Variants in HORMAD1 observed in about 807,000 individuals in gnomAD.
The protein encoded by HORMAD1 is HORMA domain containing 1.
A neutral mutation model predicts 58.2 loss-of-function variants in HORMAD1; 33 were observed. That is an observed-to-expected ratio of 0.57 (90% CI 0.43 to 0.76). The LOEUF (loss-of-function observed/expected upper bound fraction) is 0.76, where lower values mean the gene tolerates loss of function less well. Among genes scored for constraint, HORMAD1 ranks in the 30% least tolerant of loss-of-function variants. The probability of loss-of-function intolerance (pLI) is 0.00; values close to 1 mark genes in which losing one functional copy is unlikely to be tolerated. For missense variants in HORMAD1, 363 were observed against 462.0 expected, an observed-to-expected ratio of 0.79 and a Z score of 1.96; for synonymous variants, 137 against 144.6, an observed-to-expected ratio of 0.95 and a Z score of 0.38.
chr1:150,701,264 C>T (rs1466310573), intron 13 of HORMAD1, among the ~76,000 whole-genome samples: 1 of 152,090 alleles, frequency 6.6e-6, no homozygotes, highest in Non-Finnish European at 1.5e-5. Context: ...GGTTATTCAT[C>T]CTACATATAA....
At chr1:150,719,904 T>C (rs1365680935) in intron 1 of HORMAD1, among the ~76,000 whole-genome samples, 1 of 151,982 alleles carries the variant, frequency 6.6e-6, no homozygotes. Flanking sequence ...ACTTTTTCAG[T>C]TTTATTTGTT....
chr1:150,719,509 C>A lies in HORMAD1; in HGVS notation c.-4G>T, dbSNP rs778862220. Reference sequence around the variant, plus strand: ...TCTGCAACTGGGCAGTGGCCATCTTCTTCTGATAAAGTATTTTCTTTAATT... The same window carrying A: ...TCTGCAACTGGGCAGTGGCCATCTTATTCTGATAAAGTATTTTCTTTAATT... On this transcript the variant is annotated 5_prime_UTR_variant, in exon 2 of 15. Coordinates refer to ENST00000361824, the MANE Select transcript of HORMAD1 (RefSeq NM_032132.5). The A allele has an allele frequency of 2.5e-6, 4 of 1,582,048 alleles. No individual in the cohort carries two copies. Among genetic ancestry groups the A allele is most frequent in the Non-Finnish European group, 2.6e-6 (3 of 1,163,726 alleles).
intron 5 of HORMAD1, among the ~76,000 whole-genome samples, chr1:150,712,425 C>T (rs1651931221): frequency 6.6e-6 from 1 of 152,180 alleles, no homozygotes; most frequent in African/African-American, 2.4e-5. Context: ...CCTCTCTCTG[C>T]TATCCTGGTC....
At chr1:150,709,295 A>G (rs1013172444) in intron 7 of HORMAD1, among the ~76,000 whole-genome samples, 1 of 152,224 alleles carries the variant, frequency 6.6e-6, no homozygotes, top group Non-Finnish European at 1.5e-5. Context: ...TGCTTTGCTG[A>G]GATGTTGTTA....
At chr1:150,699,673 C>T (rs922057054) in intron 14 of HORMAD1, among the ~76,000 whole-genome samples, 5 of 150,324 alleles carry the variant, frequency 3.3e-5, no homozygotes, top group East Asian at 1.9e-4. Flanking sequence ...TACAGGCGTG[C>T]GCCACCACGC....
chr1:150,702,660 C>T (rs1208022641), intron 13 of HORMAD1, among the ~76,000 whole-genome samples: 2 of 152,100 alleles, frequency 1.3e-5, no homozygotes, highest in African/African-American at 2.4e-5. Flanking sequence ...AACCAAACAC[C>T]ACATGTTCTC....
At chr1:150,715,479 A>G (rs1652040156) in intron 3 of HORMAD1, among the ~76,000 whole-genome samples, 1 of 152,228 alleles carries the variant, frequency 6.6e-6, no homozygotes, top group African/African-American at 2.4e-5. Flanking sequence ...GATATCGTAT[A>G]TAACATAGTG....
At position 150,704,290 on chromosome 1, in the gene HORMAD1, A is replaced by C. The variant is rs780463861; in HGVS notation, c.858T>G (p.Ser286=). Reference sequence around the variant, plus strand: ...TTAACTTCTTACCTTCAAGTTCAGAAGATGCAGGGTTTTTTTCCTGTTCTT... The same window carrying C: ...TTAACTTCTTACCTTCAAGTTCAGACGATGCAGGGTTTTTTTCCTGTTCTT... ...KMEEQEKNPA[S]SELEEPSLVC... is the part of the protein sequence containing the mutation. Residue 286 remains serine, a synonymous_variant, in exon 11 of 15, where the codon TCT becomes TCG. Transcript: ENST00000361824. The C allele has an allele frequency of 7.5e-6, 12 of 1,596,330 alleles. No homozygotes were observed. Among genetic ancestry groups the C allele is most frequent in the Non-Finnish European group, 1.0e-5 (12 of 1,172,692 alleles).
chr1:150,717,059 G>T, intron 3 of HORMAD1, 79 bp downstream of exon 3: 1 of 866,084 alleles, frequency 1.2e-6, no homozygotes, highest in African/African-American at 1.8e-5. Flanking sequence ...AAATTTCTAA[G>T]TCAAAAATTA....
At chr1:150,716,322 C>G (rs924595138) in intron 3 of HORMAD1, among the ~76,000 whole-genome samples, 7 of 151,736 alleles carry the variant, frequency 4.6e-5, no homozygotes, top group Admixed American at 4.6e-4. Context: ...CCACCATGCC[C>G]GGCTAATTTT....
Position 150,720,887 on chromosome 1 carries a change from T to C in HORMAD1, c.-117A>G, listed in dbSNP as rs2101897352. The C allele has an allele frequency of 6.6e-6, 1 of 152,354 alleles. No individual in the cohort carries two copies. The highest frequency in any genetic ancestry group is 2.4e-5 in the African/African-American group (1 of 41,588). 9.4% of individuals were successfully genotyped at this position (152,354 alleles called of 1,614,324 possible). ...GTGCCCGACGCGCATGCGCTTTCCT[T>C]CAACGGTCACCCGCTGGGGCGCGAC... On this transcript the variant is annotated 5_prime_UTR_variant, in exon 1 of 15. Transcript: ENST00000361824.
chr1:150,700,797 AT>A (rs1036460244), intron 13 of HORMAD1, among the ~76,000 whole-genome samples: 2 of 151,758 alleles, frequency 1.3e-5, no homozygotes, highest in South Asian at 2.1e-4. Flanking sequence ...TTGGCACTTC[AT>A]TTTTTTTATG....
rs750819313 is a variant in HORMAD1 at position 150,704,367 on chromosome 1, A to G, written c.805-24T>C. On this transcript the variant is annotated intron_variant, in intron 10 of 14. Coordinates refer to ENST00000361824, the MANE Select transcript of HORMAD1 (RefSeq NM_032132.5). Reference sequence around the variant, plus strand: ...TCCTACATAATTATGTGAAGAAAAAAATTGACACATTTCAAAAAGGAACTA... The same window carrying G: ...TCCTACATAATTATGTGAAGAAAAAGATTGACACATTTCAAAAAGGAACTA... The G allele has an allele frequency of 2.1e-6, 3 of 1,448,656 alleles. No homozygotes were observed. In the African/African-American group the frequency reaches 4.3e-5, roughly 21 times the overall value. 89.7% of individuals were successfully genotyped at this position (1,448,656 alleles called of 1,614,324 possible). A position where few individuals can be genotyped will look rare whatever the true frequency, so the allele number is the denominator to read the frequency against.
rs1372774391 is a variant in HORMAD1 at position 150,711,493 on chromosome 1, A to AT, written c.327+51dup. The stretch of plus-strand genomic sequence containing the variant: ...ATATTCTTATATTATGTTTCGTGTT[A>AT]TTTTTAGATATTAGAGGCATTATGT... On this transcript the variant is annotated intron_variant, in intron 7 of 14. Coordinates refer to ENST00000361824, the MANE Select transcript of HORMAD1 (RefSeq NM_032132.5). The AT allele has an allele frequency of 3.2e-6, 4 of 1,232,602 alleles. No homozygotes were observed. The Admixed American group carries it at 7.2e-5, about 22-fold the overall frequency. The allele number at this position is 1,232,602 out of a possible 1,614,324, so 76.4% of individuals were successfully genotyped here.
At chr1:150,706,868 A>T in intron 9 of HORMAD1, 59 bp from the exon 10 acceptor site, 1 of 1,410,784 alleles carries the variant, frequency 7.1e-7, no homozygotes, top group Non-Finnish European at 9.5e-7. Flanking sequence ...TATAATTATT[A>T]TTATAAAAAC....
intron 2 of HORMAD1, 163 bp from the exon 3 acceptor site, chr1:150,717,445 G>A (rs1177530915): frequency 2.4e-6 from 1 of 412,288 alleles, no homozygotes; most frequent in East Asian, 3.7e-5. Flanking sequence ...CATGTAAAAT[G>A]TGAGGGTATT....
chr1:150,704,415 T>C (rs768746186), intron 10 of HORMAD1, 72 bp from the exon 11 acceptor site: 1 of 967,146 alleles, frequency 1.0e-6, no homozygotes, highest in East Asian at 2.6e-5. Context: ...AGAAAGCATT[T>C]ATGAACAAAT....
At chr1:150,709,783 A>G (rs997508636) in intron 7 of HORMAD1, among the ~76,000 whole-genome samples, 5 of 152,236 alleles carry the variant, frequency 3.3e-5, no homozygotes, top group Admixed American at 2.6e-4. Context: ...GAGATAGGAC[A>G]AAAACCGCCC....
chr1:150,703,372 T>C lies in HORMAD1; in HGVS notation c.970A>G (p.Thr324Ala). 1.3e-6 allele frequency: 2 copies of C among 1,569,668 alleles called. No individual in the cohort carries two copies. The highest frequency in any genetic ancestry group is 1.7e-6 in the Non-Finnish European group (2 of 1,148,748). ...CTTTCAGACATATCAAGTTCAGATG[T>C]TTTATTGACTAACTGCTCAACCTAA... Reference protein sequence around the residue: ...HSQVEQLVNKTSELDMSESKT... With the variant: ...HSQVEQLVNKASELDMSESKT... The change falls in exon 13 of 15, where the codon ACA becomes GCA. Residue 324 changes from threonine (T) to alanine (A), a missense_variant. Physicochemically the swap from Thr to Ala is moderately conservative, Grantham distance 58 (BLOSUM62 0). This residue lies in a region of HORMAD1 where 226 missense variants were observed against 257.8 expected (regional missense o/e 0.88). Coordinates refer to ENST00000361824, the MANE Select transcript of HORMAD1 (RefSeq NM_032132.5).
Sources: gnomAD v4.1 joint callset for allele counts (sites outside exome capture counted in the v4.1 genomes callset) on GRCh38, gnomAD v4.1.1 for gene constraint, gnomAD v4.1.1 regional missense constraint, MANE v1.5 for transcripts, NCBI Gene and HGNC (gene_info 2026-07-23, HGNC 2026-07-21) for gene names.